Variants in MAGI2 observed in about 807,000 individuals in gnomAD.
MAGI2 encodes the protein membrane-associated guanylate kinase, WW and PDZ domain-containing protein 2.
Under a neutral mutation model 133.3 loss-of-function variants are expected in MAGI2, and 35 were observed. The ratio of observed to expected loss-of-function variants is 0.26; its 90% CI spans 0.20 to 0.35. MAGI2 has a LOEUF of 0.35. Ranked by LOEUF, MAGI2 falls within the 10% of genes least tolerant of loss-of-function variation. The pLI is 1.00. For missense variants in MAGI2, 1,636 were observed against 1,863.4 expected, an observed-to-expected ratio of 0.88 and a Z score of 2.25; for synonymous variants, 729 against 710.6, an observed-to-expected ratio of 1.03 and a Z score of -0.41.
chr7:78,581,151 G>C (rs907437558), intron 3 of MAGI2, among the ~76,000 whole-genome samples: 6 of 152,170 alleles, frequency 3.9e-5, no homozygotes, highest in African/African-American at 1.4e-4. Flanking sequence ...GTGAGTGCCA[G>C]CAGAAATATC....
intron 2 of MAGI2, among the ~76,000 whole-genome samples, chr7:78,977,214 A>G (rs1804335623): frequency 6.6e-6 from 1 of 151,692 alleles, no homozygotes; most frequent in Non-Finnish European, 1.5e-5. Flanking sequence ...AGTAGTCAGG[A>G]CAGTGTAATA....
intron 6 of MAGI2, among the ~76,000 whole-genome samples, chr7:78,384,600 CA>C: frequency 6.6e-6 from 1 of 152,104 alleles, no homozygotes; most frequent in East Asian, 1.9e-4. Context: ...ATTTACACAA[CA>C]GAACTTATTT....
intron 2 of MAGI2, among the ~76,000 whole-genome samples, chr7:78,668,143 G>GT (rs1475188896): frequency 8.5e-5 from 13 of 152,190 alleles, no homozygotes; most frequent in Admixed American, 3.9e-4. Flanking sequence ...TTGATGGCCA[G>GT]TGATGGTGAG....
intron 2 of MAGI2, among the ~76,000 whole-genome samples, chr7:78,934,616 A>T (rs1800382691): frequency 6.6e-6 from 1 of 152,176 alleles, no homozygotes; most frequent in South Asian, 2.1e-4. Flanking sequence ...GAAAATTATT[A>T]AAAATATCGT....
At chr7:78,213,779 CTATG>C (rs1483714719) in intron 10 of MAGI2, among the ~76,000 whole-genome samples, 1 of 152,212 alleles carries the variant, frequency 6.6e-6, no homozygotes, top group African/African-American at 2.4e-5. Flanking sequence ...GTTGGGGTGT[CTATG>C]AACCTATTCT....
At chr7:78,249,160 G>T (rs571315331) in intron 10 of MAGI2, among the ~76,000 whole-genome samples, 102 of 152,250 alleles carry the variant, frequency 6.7e-4, no homozygotes, top group African/African-American at 2.4e-3. Flanking sequence ...AAACCACAGT[G>T]TGATATCACC....
intron 7 of MAGI2, among the ~76,000 whole-genome samples, chr7:78,364,756 A>C (rs1442599273): frequency 6.6e-6 from 1 of 152,238 alleles, no homozygotes; most frequent in Non-Finnish European, 1.5e-5. Context: ...ATTTCACTAA[A>C]GAGGAGAGAG....
At chr7:78,158,810 C>T (rs1313779324) in intron 16 of MAGI2, among the ~76,000 whole-genome samples, 1 of 152,188 alleles carries the variant, frequency 6.6e-6, no homozygotes, top group Non-Finnish European at 1.5e-5. Flanking sequence ...AGGGGTCATG[C>T]AGCCTCTGGC....
At chr7:78,093,186 G>A (rs917820521) in intron 20 of MAGI2, among the ~76,000 whole-genome samples, 1 of 149,422 alleles carries the variant, frequency 6.7e-6, no homozygotes, top group African/African-American at 2.5e-5. Context: ...GGTGGGGCGT[G>A]GTGGCTCACA....
chr7:78,218,569 T>G (rs560914523), intron 10 of MAGI2, among the ~76,000 whole-genome samples: 37 of 152,308 alleles, frequency 2.4e-4, no homozygotes, highest in African/African-American at 8.4e-4. Context: ...GACAGCTTAT[T>G]TTTGAACAAT....
intron 10 of MAGI2, among the ~76,000 whole-genome samples, chr7:78,240,009 G>A (rs1790965941): frequency 1.3e-5 from 2 of 150,752 alleles, no homozygotes; most frequent in South Asian, 4.2e-4. Context: ...AATACTTTAA[G>A]TTCTAGGGTA....
intron 1 of MAGI2, among the ~76,000 whole-genome samples, chr7:79,249,148 T>A (rs1833040433): frequency 6.6e-6 from 1 of 152,144 alleles, no homozygotes; most frequent in Admixed American, 6.6e-5. Flanking sequence ...GCACCCAGCC[T>A]AAAACTTATT....
At chr7:78,674,784 G>A (rs1205367543) in intron 2 of MAGI2, among the ~76,000 whole-genome samples, 1 of 152,082 alleles carries the variant, frequency 6.6e-6, no homozygotes, top group Non-Finnish European at 1.5e-5. Context: ...ACCATGGACA[G>A]TTACTAGAGT....
intron 1 of MAGI2, among the ~76,000 whole-genome samples, chr7:79,175,144 T>C (rs1825980158): frequency 6.6e-6 from 1 of 151,846 alleles, no homozygotes; most frequent in Non-Finnish European, 1.5e-5. Flanking sequence ...TATTTTTCAA[T>C]GAAATAGAGA....
chr7:79,163,367 T>C (rs1824580646), intron 1 of MAGI2, among the ~76,000 whole-genome samples: 2 of 151,926 alleles, frequency 1.3e-5, no homozygotes, highest in African/African-American at 2.4e-5. Context: ...AGAGATGGGG[T>C]TTCACCATGT....
At chr7:79,284,513 T>C (rs1835867769) in intron 1 of MAGI2, among the ~76,000 whole-genome samples, 1 of 152,128 alleles carries the variant, frequency 6.6e-6, no homozygotes. Context: ...CTCCTACTCA[T>C]GACTTATTTT....
intron 2 of MAGI2, among the ~76,000 whole-genome samples, chr7:78,677,150 C>A (rs1360502894): frequency 2.6e-5 from 4 of 152,112 alleles, no homozygotes; most frequent in African/African-American, 7.2e-5. Flanking sequence ...ATAGGGCCTG[C>A]TTTGAACATG....
intron 2 of MAGI2, among the ~76,000 whole-genome samples, chr7:78,803,925 T>G (rs1037517272): frequency 6.6e-6 from 1 of 152,234 alleles, no homozygotes; most frequent in East Asian, 1.9e-4. Flanking sequence ...AAGAAAGCCA[T>G]GCTTAAATCA....
chr7:78,078,788 A>ATGTG lies in MAGI2; in HGVS notation c.3706+155_3706+158dup, dbSNP rs67657112. ...GGCATAAACATACGTGTGTGTGTGTATGTGTGTGTGTGTGTGTGTGTGTGT... is the reference window on the plus strand; with the variant it reads ...GGCATAAACATACGTGTGTGTGTGTATGTGTGTGTGTGTGTGTGTGTGTGTGTGT... On this transcript the variant is annotated intron_variant, in intron 21 of 21. Coordinates refer to ENST00000354212, the MANE Select transcript of MAGI2 (RefSeq NM_012301.4). 4.3e-3 allele frequency: 2,684 copies of ATGTG among 625,056 alleles called. 6 individuals carry two copies. Among genetic ancestry groups the ATGTG allele is most frequent in the African/African-American group, 0.016 (828 of 53,278 alleles). The allele number at this position is 625,056 out of a possible 1,614,324, so 38.7% of individuals were successfully genotyped here.
Sources: allele counts gnomAD v4.1 joint callset (sites outside exome capture counted in the v4.1 genomes callset), GRCh38; gene constraint gnomAD v4.1.1; transcripts MANE v1.5; gene names NCBI Gene and HGNC (gene_info 2026-07-23, HGNC 2026-07-21).